The following RAB17 variants were observed in gnomAD, a reference collection of about 807,000 sequenced individuals.
The protein encoded by RAB17 is RAB17, member RAS oncogene family.
A neutral mutation model predicts 19.3 loss-of-function variants in RAB17; 15 were observed. That is an observed-to-expected ratio of 0.78 (90% CI 0.52 to 1.20). RAB17 has a LOEUF of 1.20. RAB17 is among the 50% of genes most tolerant of loss of function. The pLI is 0.00. For synonymous variants in RAB17, 110 were observed against 112.8 expected, an observed-to-expected ratio of 0.97 and a Z score of 0.16; for missense variants, 262 against 269.3, an observed-to-expected ratio of 0.97 and a Z score of 0.19.
At chr2:237,576,522 C>T in intron 4 of RAB17, 2 of 463,544 alleles carry the variant, frequency 4.3e-6, no homozygotes, top group African/African-American at 2.0e-5. Flanking sequence ...AAATCTTCAC[C>T]CCACTTCTCC....
chr2:237,579,985 G>C (rs1559395871), intron 2 of RAB17, among the ~76,000 whole-genome samples: 1 of 152,240 alleles, frequency 6.6e-6, no homozygotes, highest in Non-Finnish European at 1.5e-5. Flanking sequence ...TGGGGCAACT[G>C]TCGGGACTGA....
At chr2:237,578,820 A>G (rs2081286562) in intron 2 of RAB17, 1 of 152,196 alleles carries the variant, frequency 6.6e-6, no homozygotes, top group African/African-American at 2.4e-5. Context: ...ATACACACCC[A>G]GAGGCAAGGC....
At chr2:237,578,207 C>T (rs188449398) in intron 2 of RAB17, 52 bp from the exon 3 acceptor site, 249 of 1,556,076 alleles carry the variant, frequency 1.6e-4, no homozygotes, top group Admixed American at 4.0e-4. Context: ...TTGCCACATG[C>T]GGCTCAGGTG....
At chr2:237,577,211 C>A in intron 4 of RAB17, 46 bp downstream of exon 4, 1 of 1,576,346 alleles carries the variant, frequency 6.3e-7, no homozygotes, top group Non-Finnish European at 8.6e-7. Flanking sequence ...GCGGGCAGGG[C>A]TCTCTCCTGC....
chr2:237,584,336 A>C (rs772311827), intron 2 of RAB17, among the ~76,000 whole-genome samples: 3 of 151,970 alleles, frequency 2.0e-5, no homozygotes, highest in Non-Finnish European at 4.4e-5. Context: ...GCGCTCACCT[A>C]GTGAGTGCCT....
At chr2:237,577,472 G>C in intron 3 of RAB17, 90 bp from the exon 4 acceptor site, 1 of 1,426,764 alleles carries the variant, frequency 7.0e-7, no homozygotes. Context: ...TGCTGATCAC[G>C]TTGTGTAAAA....
In RAB17 at chr2:237,578,224, C is replaced by T. The variant is rs879507744; in HGVS notation, c.158-69G>A. The stretch of plus-strand genomic sequence containing the variant: ...GCCACATGCGGCTCAGGTGGGACCA[C>T]GGCAAGCCGCAGGCACAGCAATGGG... On this transcript the variant is annotated intron_variant, in intron 2 of 5. Transcript: ENST00000264601. The T allele has an allele frequency of 1.9e-5, 29 of 1,489,028 alleles. No individual in the cohort carries two copies. In the Admixed American group the frequency reaches 2.6e-4, roughly 13 times the overall value. 92.2% of individuals were successfully genotyped at this position (1,489,028 alleles called of 1,614,324 possible). A position where few individuals can be genotyped will look rare whatever the true frequency, so the allele number is the denominator to read the frequency against.
rs2081248345 is a variant in RAB17 at position 237,574,865 on chromosome 2, G to C, written c.*154C>G. 1.2e-6 allele frequency: 1 copy of C among 804,962 alleles called. No individual in the cohort carries two copies. Among genetic ancestry groups the C allele is most frequent in the Non-Finnish European group, 1.9e-6 (1 of 537,266 alleles). The allele number at this position is 804,962 out of a possible 1,614,324, so 49.9% of individuals were successfully genotyped here. On this transcript the variant is annotated 3_prime_UTR_variant, in exon 6 of 6. Transcript: ENST00000264601. ...GATCTTCCTCTGGCAGTTCCCACTGGCTGTGGGAAGTGGTTTTCATAAAGG... is the reference window on the plus strand; with the variant it reads ...GATCTTCCTCTGGCAGTTCCCACTGCCTGTGGGAAGTGGTTTTCATAAAGG...
At chr2:237,576,873 C>G (rs997590136) in intron 4 of RAB17, among the ~76,000 whole-genome samples, 2 of 152,172 alleles carry the variant, frequency 1.3e-5, no homozygotes, top group Non-Finnish European at 1.5e-5. Context: ...GATCACTTTT[C>G]TCGTTCAAGC....
At chr2:237,586,583 G>T (rs541402331) in intron 1 of RAB17, among the ~76,000 whole-genome samples, 1 of 152,242 alleles carries the variant, frequency 6.6e-6, no homozygotes, top group African/African-American at 2.4e-5. Context: ...ATGGATTAAA[G>T]TTGGTGTTTC....
chr2:237,575,332 A>T (rs529923135), intron 5 of RAB17, 55 bp downstream of exon 5: 137 of 1,395,068 alleles, frequency 9.8e-5, no homozygotes, highest in Non-Finnish European at 1.2e-4. Context: ...GACCCAGGGA[A>T]GTTGGTCAGG....
At position 237,575,213 on chromosome 2, in the gene RAB17, C is replaced by T. The variant is rs559642549; in HGVS notation, c.530-85G>A. The T allele has an allele frequency of 6.1e-5, 73 of 1,199,494 alleles. No homozygotes were observed. In the African/African-American group the frequency reaches 9.3e-4, roughly 15 times the overall value. The allele number at this position is 1,199,494 out of a possible 1,614,324, so 74.3% of individuals were successfully genotyped here. A position where few individuals can be genotyped will look rare whatever the true frequency, so the allele number is the denominator to read the frequency against. ...CCTGCAGACCAGCCACCCCAGGACCCGCCCCTCCTGTGTTTACCCTGAACC... is the reference window on the plus strand; with the variant it reads ...CCTGCAGACCAGCCACCCCAGGACCTGCCCCTCCTGTGTTTACCCTGAACC... On this transcript the variant is annotated intron_variant, in intron 5 of 5. Transcript: ENST00000264601.
intron 2 of RAB17, chr2:237,585,297 G>C (rs2081341072): frequency 6.0e-6 from 1 of 167,626 alleles, no homozygotes. Flanking sequence ...TGTTCCCCCA[G>C]GGGGAATGGG....
In RAB17 at chr2:237,576,681, G is replaced by A. The variant is rs73085769; in HGVS notation, c.435+576C>T. Reference sequence around the variant, plus strand: ...GCCACTTGTCTGCAGCTGTTTACACGGTCTTCGTCCTAAATGTGGTGGGGG... The same window carrying A: ...GCCACTTGTCTGCAGCTGTTTACACAGTCTTCGTCCTAAATGTGGTGGGGG... On this transcript the variant is annotated intron_variant, in intron 4 of 5. Transcript: ENST00000264601. 115 of 471,222 alleles carry A rather than the reference G, an allele frequency of 2.4e-4. 1 individual carries two copies. Among genetic ancestry groups the A allele is most frequent in the African/African-American group, 2.0e-3 (99 of 50,184 alleles). The allele number at this position is 471,222 out of a possible 1,614,324, so 29.2% of individuals were successfully genotyped here.
chr2:237,574,781 A>G lies in RAB17; in HGVS notation c.*238T>C, dbSNP rs976730964. The G allele has an allele frequency of 1.9e-6, 2 of 1,080,110 alleles. No homozygotes were observed. The highest frequency in any genetic ancestry group is 3.2e-5 in the African/African-American group (2 of 62,440). The allele number at this position is 1,080,110 out of a possible 1,614,324, so 66.9% of individuals were successfully genotyped here. ...GGTGGAACAGGCACAGGCATCGGGG[A>G]ATCAGATGGTATCAGTGGGGATAGG... On this transcript the variant is annotated 3_prime_UTR_variant, in exon 6 of 6. Transcript: ENST00000264601.
At chr2:237,584,990 G>A (rs932304861) in intron 2 of RAB17, among the ~76,000 whole-genome samples, 1 of 152,206 alleles carries the variant, frequency 6.6e-6, no homozygotes, top group African/African-American at 2.4e-5. Context: ...AGTCGGGCCA[G>A]GCAGACCCCT....
rs1340598119 is a variant in RAB17 at position 237,574,390 on chromosome 2, G to A, written c.*629C>T. The A allele has an allele frequency of 1.9e-5, 29 of 1,526,796 alleles. No homozygotes were observed. The highest frequency in any genetic ancestry group is 1.9e-4 in the South Asian group (15 of 80,640). The allele number at this position is 1,526,796 out of a possible 1,614,324, so 94.6% of individuals were successfully genotyped here. A position where few individuals can be genotyped will look rare whatever the true frequency, so the allele number is the denominator to read the frequency against. On this transcript the variant is annotated 3_prime_UTR_variant, in exon 6 of 6. Coordinates refer to ENST00000264601, the MANE Select transcript of RAB17 (RefSeq NM_022449.4). The stretch of plus-strand genomic sequence containing the variant: ...ACGCAGTACAACTTATATCTCAGGC[G>A]AAATGTCTCAGAATCTTCCTGCTCA...
chr2:237,589,511 C>A (rs1419199872), intron 1 of RAB17, among the ~76,000 whole-genome samples: 1 of 152,188 alleles, frequency 6.6e-6, no homozygotes, highest in Non-Finnish European at 1.5e-5. Context: ...TTTCCTAATA[C>A]TGGATTTTTA....
intron 2 of RAB17, among the ~76,000 whole-genome samples, chr2:237,583,279 A>G (rs994170136): frequency 6.6e-6 from 1 of 152,174 alleles, no homozygotes; most frequent in Admixed American, 6.5e-5. Context: ...CAGAGGTTCC[A>G]GTGAGACACT....
Sources: allele counts gnomAD v4.1 joint callset (sites outside exome capture counted in the v4.1 genomes callset), GRCh38; gene constraint gnomAD v4.1.1; transcripts MANE v1.5; gene names NCBI Gene and HGNC (gene_info 2026-07-23, HGNC 2026-07-21).